GMPR: variants seen among roughly 807,000 people sequenced by gnomAD.
GMPR encodes guanosine monophosphate reductase.
GMPR carries 31 observed loss-of-function variants against 38.4 expected under a neutral mutation model. The ratio of observed to expected loss-of-function variants is 0.81; its 90% CI spans 0.61 to 1.09. The LOEUF is 1.09. Ranked by LOEUF, GMPR falls within the 50% of genes least tolerant of loss-of-function variation. The pLI is 0.00. For missense variants in GMPR, 468 were observed against 453.7 expected (o/e 1.03, Z -0.29); for synonymous variants, 162 against 173.3 (o/e 0.93, Z 0.51).
At chr6:16,289,071 G>C (rs1352540097) in intron 7 of GMPR, among the ~76,000 whole-genome samples, 2 of 152,176 alleles carry the variant, frequency 1.3e-5, no homozygotes, top group Non-Finnish European at 2.9e-5. Flanking sequence ...TTGGGAGGGT[G>C]ATTTGTTGTT....
chr6:16,292,389 T>C lies in GMPR; in HGVS notation c.857+1768T>C, dbSNP rs191983054. On this transcript the variant is annotated intron_variant, in intron 8 of 8. Transcript: ENST00000259727. ...CTTCAGTTCTCATTCTCCTCAAGTC[T>C]CTTTCTCTTGGTGGTGAACCCCAAT... is the stretch of plus-strand genomic sequence containing the variant. 9.2e-5 allele frequency among the ~76,000 whole-genome samples: 14 copies of C among 152,014 alleles called. No homozygotes were observed. In the East Asian group the frequency reaches 2.7e-3, roughly 29 times the overall value.
rs1480635336 is a variant in GMPR, at chr6:16,274,410, C to T, written c.466-5C>T. ...TGATCATCAGCTGTATTCTTTCTGT[C>T]TCAGGCAGGGAACGTGGTGACAGGA... On this transcript the variant is annotated splice_polypyrimidine_tract_variant and splice_region_variant and intron_variant, in intron 4 of 8. Transcript: ENST00000259727. The T allele has an allele frequency of 5.1e-6, 8 of 1,572,238 alleles. No homozygotes were observed. Among genetic ancestry groups the T allele is most frequent in the Non-Finnish European group, 7.0e-6 (8 of 1,141,908 alleles).
intron 3 of GMPR, among the ~76,000 whole-genome samples, chr6:16,252,250 C>T (rs780071569): frequency 2.0e-5 from 3 of 151,936 alleles, no homozygotes; most frequent in Non-Finnish European, 4.4e-5. Context: ...TCAGACCTCC[C>T]TCTAACTTCT....
intron 4 of GMPR, among the ~76,000 whole-genome samples, chr6:16,265,902 A>C (rs1235607147): frequency 6.6e-6 from 1 of 152,182 alleles, no homozygotes; most frequent in Non-Finnish European, 1.5e-5. Context: ...CACTTACTGC[A>C]AAGATGTGCA....
chr6:16,290,530 T>C lies in GMPR; in HGVS notation c.766T>C (p.Phe256Leu), dbSNP rs1042391. 1 of 1,613,706 alleles carries C rather than the reference T, an allele frequency of 6.2e-7. No homozygotes were observed. Among genetic ancestry groups the C allele is most frequent in the Non-Finnish European group, 8.5e-7 (1 of 1,179,798 alleles). Residue 256 changes from phenylalanine (F) to leucine (L), a missense_variant, in exon 8 of 9, where the codon TTT (phenylalanine) becomes CTT (leucine). Physicochemically the swap from Phe to Leu is conservative, Grantham distance 22. Transcript: ENST00000259727. ...SGHTECAGEV[F>L]ERNGRKLKLF... ...TCATACGGAGTGTGCTGGAGAAGTG[T>C]TTGAGAGGAACGGACGGAAGCTCAA...
intron 4 of GMPR, chr6:16,263,123 G>C (rs1244436968): frequency 6.6e-6 from 1 of 151,930 alleles, no homozygotes; most frequent in Non-Finnish European, 1.5e-5. Context: ...GCTTGGGGTT[G>C]GGACTGAGGG....
At chr6:16,265,995 G>GTAACA (rs1759199833) in intron 4 of GMPR, among the ~76,000 whole-genome samples, 1 of 152,182 alleles carries the variant, frequency 6.6e-6, no homozygotes, top group Non-Finnish European at 1.5e-5. Flanking sequence ...TTTAAGAGCT[G>GTAACA]TAACACTCAC....
At chr6:16,247,749 G>A (rs575214301) in intron 2 of GMPR, among the ~76,000 whole-genome samples, 4 of 151,910 alleles carry the variant, frequency 2.6e-5, no homozygotes, top group Non-Finnish European at 4.4e-5. Context: ...GCAGAGAGGG[G>A]AGGGGTAGGT....
chr6:16,292,673 G>A (rs142485182), intron 8 of GMPR, among the ~76,000 whole-genome samples: 2 of 152,326 alleles, frequency 1.3e-5, no homozygotes, highest in Non-Finnish European at 2.9e-5. Flanking sequence ...CAGAATGTAA[G>A]TGGAGCTTTC....
intron 1 of GMPR, 43 bp from the exon 2 acceptor site, chr6:16,246,799 A>C: frequency 2.7e-6 from 4 of 1,488,730 alleles, no homozygotes; most frequent in Non-Finnish European, 3.7e-6. Context: ...AGAGCAAAGC[A>C]CTCATTTCTT....
chr6:16,263,068 G>T (rs1050668832), intron 4 of GMPR: 4 of 151,916 alleles, frequency 2.6e-5, no homozygotes, highest in African/African-American at 9.7e-5. Context: ...GAGGGGAGAG[G>T]TCAGATGAGT....
At chr6:16,266,473 G>GTAACACTCAC (rs1561827389) in intron 4 of GMPR, among the ~76,000 whole-genome samples, 3 of 112,160 alleles carry the variant, frequency 2.7e-5, no homozygotes, top group African/African-American at 1.1e-4. Flanking sequence ...AACACTTCCT[G>GTAACACTCAC]TGGAAAAGGT....
At chr6:16,292,304 G>A (rs74802377) in intron 8 of GMPR, among the ~76,000 whole-genome samples, 18,841 of 151,962 alleles carry the variant, frequency 0.12, 1,242 homozygotes, top group South Asian at 0.18. Flanking sequence ...TGGGGGGATT[G>A]GGGGGAGTGG....
At position 16,289,038 on chromosome 6, in the gene GMPR, C is replaced by G. The variant is rs562597501; in HGVS notation, c.698-1424C>G. On this transcript the variant is annotated intron_variant, in intron 7 of 8. Coordinates refer to ENST00000259727, the MANE Select transcript of GMPR (RefSeq NM_006877.4). ...AGCAGGCTGCCGGAGCCAGCAGTGG[C>G]AAACCCTTCTGGCTCCTTTTCTTTG... Among the ~76,000 whole-genome samples, 11 of 152,316 alleles carry G rather than the reference C, an allele frequency of 7.2e-5. No individual in the cohort carries two copies. In the East Asian group the frequency reaches 9.7e-4, roughly 13 times the overall value.
At chr6:16,294,680 G>A (rs907858188) in intron 8 of GMPR, among the ~76,000 whole-genome samples, 1 of 152,202 alleles carries the variant, frequency 6.6e-6, no homozygotes, top group Non-Finnish European at 1.5e-5. Context: ...GCAGAGGGGA[G>A]CACGTTGCTG....
chr6:16,248,232 CAAAAAA>C (rs774386979), intron 2 of GMPR, among the ~76,000 whole-genome samples: 1 of 45,144 alleles, frequency 2.2e-5, no homozygotes, highest in Admixed American at 3.3e-4. Context: ...GACCCTGTCT[CAAAAAA>C]AAAAAAAAAA....
chr6:16,288,537 C>T (rs1415982630), intron 7 of GMPR, among the ~76,000 whole-genome samples: 3 of 152,346 alleles, frequency 2.0e-5, no homozygotes, highest in African/African-American at 4.8e-5. Flanking sequence ...TGAGCTTCCC[C>T]GCCCCCTCCA....
At chr6:16,269,924 A>G (rs1321598990) in intron 4 of GMPR, among the ~76,000 whole-genome samples, 1 of 152,240 alleles carries the variant, frequency 6.6e-6, no homozygotes, top group East Asian at 1.9e-4. Flanking sequence ...ATAGATGGCC[A>G]TCTTTTCATT....
In GMPR at chr6:16,295,088, T is replaced by G; in HGVS notation, c.940T>G (p.Ser314Ala). 1 of 1,592,074 alleles carries G rather than the reference T, an allele frequency of 6.3e-7. No individual in the cohort carries two copies. Among genetic ancestry groups the G allele is most frequent in the South Asian group, 1.1e-5 (1 of 89,230 alleles). The change falls in exon 9 of 9, where the codon TCC (serine) becomes GCC (alanine). Residue 314 changes from serine to alanine, a missense_variant. Ser to Ala is a moderately conservative substitution (Grantham distance 99, BLOSUM62 1). Transcript: ENST00000259727. ...CCTGGATATTCTCGGGGGACTGAGG[T>G]CCACGTGCACCTACGTGGGGGCCGC... is the stretch of plus-strand genomic sequence containing the variant. ...TILDILGGLR[S>A]TCTYVGAAKL...
Sources: gnomAD v4.1 joint callset for allele counts (sites outside exome capture counted in the v4.1 genomes callset) on GRCh38, gnomAD v4.1.1 for gene constraint, MANE v1.5 for transcripts, NCBI Gene and HGNC (gene_info 2026-07-23, HGNC 2026-07-21) for gene names.